The following SAMD12 variants were observed in gnomAD, a reference collection of about 807,000 sequenced individuals.
The protein encoded by SAMD12 is sterile alpha motif domain containing 12.
In SAMD12, 9 loss-of-function variants were observed where a neutral mutation model predicts 15.0. The observed-to-expected ratio is 0.60, with a 90% confidence interval of 0.36 to 1.05. The LOEUF (loss-of-function observed/expected upper bound fraction) is 1.05, where lower values mean the gene tolerates loss of function less well. SAMD12 is among the 50% of genes least tolerant of loss of function. SAMD12 has a pLI of 0.01. For synonymous variants in SAMD12, 86 were observed against 90.1 expected (o/e 0.96, Z 0.25); for missense variants, 230 against 234.2 (o/e 0.98, Z 0.12).
chr8:118,284,236 G>T (rs553077226), intron 4 of SAMD12: 66 of 450,172 alleles, frequency 1.5e-4, no homozygotes, highest in African/African-American at 1.3e-3. Context: ...TTTAAAGGCA[G>T]ATGAAACAAT....
chr8:118,620,243 C>G (rs960868733), intron 1 of SAMD12, among the ~76,000 whole-genome samples: 2 of 151,970 alleles, frequency 1.3e-5, no homozygotes, highest in Non-Finnish European at 2.9e-5. Context: ...GTGGTGAAGA[C>G]GAGAGATCAT....
At chr8:118,262,186 G>A (rs1327487397) in intron 4 of SAMD12, among the ~76,000 whole-genome samples, 1 of 151,932 alleles carries the variant, frequency 6.6e-6, no homozygotes, top group Non-Finnish European at 1.5e-5. Context: ...GAATCCACAG[G>A]AACTTTTTAA....
intron 1 of SAMD12, among the ~76,000 whole-genome samples, chr8:118,587,220 G>C (rs911995519): frequency 6.6e-6 from 1 of 152,200 alleles, no homozygotes; most frequent in Non-Finnish European, 1.5e-5. Flanking sequence ...GTTCCTGAAG[G>C]AGATGGTCCT....
intron 4 of SAMD12, among the ~76,000 whole-genome samples, chr8:118,332,645 C>A (rs1316411330): frequency 1.3e-5 from 2 of 152,232 alleles, no homozygotes; most frequent in Non-Finnish European, 2.9e-5. Context: ...AGCCGCATGA[C>A]ACTGGGTGCT....
chr8:118,206,624 A>T (rs1165852658), intron 4 of SAMD12, among the ~76,000 whole-genome samples: 1 of 152,236 alleles, frequency 6.6e-6, no homozygotes, highest in Non-Finnish European at 1.5e-5. Context: ...ATATTGTTAC[A>T]TAGAATCTGT....
At chr8:118,326,012 A>G (rs1181561046) in intron 4 of SAMD12, among the ~76,000 whole-genome samples, 1 of 152,176 alleles carries the variant, frequency 6.6e-6, no homozygotes, top group Non-Finnish European at 1.5e-5. Context: ...GGCTGACTTC[A>G]CGCCGGAAGC....
intron 1 of SAMD12, among the ~76,000 whole-genome samples, chr8:118,605,160 T>C (rs1258986835): frequency 6.6e-6 from 1 of 152,114 alleles, no homozygotes; most frequent in Non-Finnish European, 1.5e-5. Flanking sequence ...TCTCTAGCCT[T>C]GACAACGACC....
chr8:118,579,973 C>T (rs577227188), intron 2 of SAMD12, among the ~76,000 whole-genome samples: 1 of 152,226 alleles, frequency 6.6e-6, no homozygotes, highest in East Asian at 1.9e-4. Flanking sequence ...AATTACCTAC[C>T]CCACAGAATC....
At chr8:118,228,221 G>C (rs1440605873) in intron 4 of SAMD12, among the ~76,000 whole-genome samples, 2 of 152,100 alleles carry the variant, frequency 1.3e-5, no homozygotes, top group East Asian at 3.9e-4. Context: ...TATTGGCTTG[G>C]GCAAGGATTT....
chr8:118,282,470 A>T (rs1252713970), intron 4 of SAMD12: 1 of 387,530 alleles, frequency 2.6e-6, no homozygotes, highest in African/African-American at 2.1e-5. Context: ...GGTCTCCTGT[A>T]ATTTATTTCT....
At chr8:118,480,656 G>A (rs745513476) in intron 2 of SAMD12, among the ~76,000 whole-genome samples, 2 of 152,034 alleles carry the variant, frequency 1.3e-5, no homozygotes, top group South Asian at 2.1e-4. Context: ...CACTCTCCTG[G>A]GAACAACCAG....
intron 2 of SAMD12, among the ~76,000 whole-genome samples, chr8:118,530,868 G>A (rs1475399232): frequency 3.3e-5 from 5 of 152,104 alleles, no homozygotes; most frequent in Admixed American, 1.3e-4. Flanking sequence ...TAGAGACAGG[G>A]ACTTACTCTG....
chr8:118,227,756 C>T (rs1242142945), intron 4 of SAMD12, among the ~76,000 whole-genome samples: 1 of 152,162 alleles, frequency 6.6e-6, no homozygotes, highest in Non-Finnish European at 1.5e-5. Context: ...CCTCACCACA[C>T]AAAAGCAGAT....
intron 1 of SAMD12, among the ~76,000 whole-genome samples, chr8:118,616,566 G>C (rs1828244554): frequency 6.6e-6 from 1 of 152,164 alleles, no homozygotes; most frequent in African/African-American, 2.4e-5. Flanking sequence ...TACCCTCTGG[G>C]TCCTCCTCAG....
chr8:118,421,284 T>C (rs1391165248), intron 3 of SAMD12, among the ~76,000 whole-genome samples: 1 of 152,230 alleles, frequency 6.6e-6, no homozygotes, highest in Admixed American at 6.5e-5. Context: ...ATTTTCTACT[T>C]CCTTTAAATA....
chr8:118,180,009 T>G, the SAMD12 span, among the ~76,000 whole-genome samples: 1 of 152,314 alleles, frequency 6.6e-6, no homozygotes, highest in South Asian at 2.1e-4. Context: ...TACATTTGTT[T>G]TGGAGGTTTA....
chr8:118,542,996 G>A (rs752932968), intron 2 of SAMD12, among the ~76,000 whole-genome samples: 3 of 150,932 alleles, frequency 2.0e-5, no homozygotes, highest in African/African-American at 7.3e-5. Flanking sequence ...AGAGGGAGGC[G>A]AGAAAATAAG....
chr8:118,184,795 G>A (rs887747620), downstream of SAMD12, among the ~76,000 whole-genome samples: 3 of 152,062 alleles, frequency 2.0e-5, no homozygotes, highest in East Asian at 1.9e-4. Flanking sequence ...GCTAAGCCTG[G>A]CTCCCTCTTT....
chr8:118,284,302 T>C (rs1449129228), intron 4 of SAMD12: 3 of 456,314 alleles, frequency 6.6e-6, no homozygotes, highest in East Asian at 6.9e-5. Context: ...GCAGCAGAAC[T>C]GGCTGGGATG....
Sources: allele counts gnomAD v4.1 joint callset (sites outside exome capture counted in the v4.1 genomes callset), GRCh38; gene constraint gnomAD v4.1.1; transcripts MANE v1.5; gene names NCBI Gene and HGNC (gene_info 2026-07-23, HGNC 2026-07-21).